The following EFR3A variants were observed in gnomAD, a reference collection of about 807,000 sequenced individuals.
EFR3A encodes the protein EFR3 homolog A, also known as protein EFR3 homolog A.
A neutral mutation model predicts 104.4 loss-of-function variants in EFR3A; 76 were observed. That is an observed-to-expected ratio of 0.73 (90% confidence interval 0.60 to 0.88). The LOEUF (loss-of-function observed/expected upper bound fraction) is 0.88, where lower values mean the gene tolerates loss of function less well. Among genes scored for constraint, EFR3A ranks in the 40% least tolerant of loss-of-function variants. The pLI, the probability that EFR3A is intolerant of heterozygous loss-of-function variation, is 0.00. For missense variants in EFR3A, 985 were observed against 1,012.5 expected, an observed-to-expected ratio of 0.97 and a Z score of 0.37; for synonymous variants, 330 against 330.0, an observed-to-expected ratio of 1.00 and a Z score of 0.00.
intron 4 of EFR3A, among the ~76,000 whole-genome samples, 160 bp from the exon 5 acceptor site, chr8:131,949,809 T>C (rs1818609989): frequency 6.6e-6 from 1 of 152,146 alleles, no homozygotes; most frequent in Admixed American, 6.6e-5. Context: ...CAAGACCCTA[T>C]CTCAAGAAAG....
At chr8:131,934,117 A>C (rs1222666071) in intron 1 of EFR3A, among the ~76,000 whole-genome samples, 1 of 152,160 alleles carries the variant, frequency 6.6e-6, no homozygotes. Flanking sequence ...CACTTTTCTG[A>C]AGATAAGATT....
At chr8:131,997,156 A>G (rs1821537691) in intron 19 of EFR3A, among the ~76,000 whole-genome samples, 1 of 152,098 alleles carries the variant, frequency 6.6e-6, no homozygotes, top group Admixed American at 6.5e-5. Flanking sequence ...CTTATTCTAC[A>G]CAAATCACCA....
intron 22 of EFR3A, among the ~76,000 whole-genome samples, chr8:132,009,082 A>G (rs1822191451): frequency 6.6e-6 from 1 of 151,976 alleles, no homozygotes; most frequent in Non-Finnish European, 1.5e-5. Context: ...ATACCAGGAA[A>G]ATATAAGAAA....
chr8:131,976,085 G>A lies in EFR3A; in HGVS notation c.1218G>A (p.Met406Ile). ...YQRSEIMMFI[M>I]GKVPVFGTST... Reference sequence around the variant, plus strand: ...GGTCAGAAATCATGATGTTCATTATGGGGAAAGTACCTGTCTTTGGAACAT... The same window carrying A: ...GGTCAGAAATCATGATGTTCATTATAGGGAAAGTACCTGTCTTTGGAACAT... Residue 406 changes from methionine to isoleucine, a missense_variant, in exon 11 of 23, where the codon ATG (methionine) becomes ATA (isoleucine). Transcript: ENST00000254624. The A allele has an allele frequency of 6.2e-7, 1 of 1,607,328 alleles. No individual in the cohort carries two copies. The highest frequency in any genetic ancestry group is 2.2e-5 in the East Asian group (1 of 44,696).
chr8:131,967,883 A>C (rs530364549), intron 8 of EFR3A, among the ~76,000 whole-genome samples: 12 of 138,046 alleles, frequency 8.7e-5, no homozygotes, highest in Non-Finnish European at 1.5e-4. Flanking sequence ...TGAATGTCAT[A>C]ATTTATGTTT....
chr8:132,010,467 T>G lies in EFR3A; in HGVS notation c.2361-323T>G, dbSNP rs993543485. Among the ~76,000 whole-genome samples, 8 of 138,934 alleles carry G rather than the reference T, an allele frequency of 5.8e-5. No individual in the cohort carries two copies. In the South Asian group the frequency reaches 6.6e-4, roughly 11 times the overall value. The allele number at this position is 138,934 out of a possible 152,430, so 91.1% of individuals were successfully genotyped here. On this transcript the variant is annotated intron_variant, in intron 22 of 22. Transcript: ENST00000254624. ...ATATATATAATGAAATACCATTCTGTCATCAAAAAAGATAATATCTGTATA... is the reference window on the plus strand; with the variant it reads ...ATATATATAATGAAATACCATTCTGGCATCAAAAAAGATAATATCTGTATA...
At chr8:131,919,470 G>T (rs1329459264) in intron 1 of EFR3A, among the ~76,000 whole-genome samples, 1 of 151,676 alleles carries the variant, frequency 6.6e-6, no homozygotes, top group Non-Finnish European at 1.5e-5. Flanking sequence ...GGTGGCGGGC[G>T]CCCACTACTC....
intron 16 of EFR3A, 129 bp from the exon 17 acceptor site, chr8:131,986,065 A>G: frequency 2.1e-6 from 1 of 465,704 alleles, no homozygotes; most frequent in Non-Finnish European, 3.8e-6. Flanking sequence ...CTTAAATTCA[A>G]AAACAAAGTG....
intron 8 of EFR3A, among the ~76,000 whole-genome samples, chr8:131,965,479 A>G (rs913235349): frequency 6.6e-6 from 1 of 152,380 alleles, no homozygotes; most frequent in African/African-American, 2.4e-5. Context: ...ATCACTGGCC[A>G]TCAGATAAAT....
intron 19 of EFR3A, among the ~76,000 whole-genome samples, chr8:131,999,938 A>G (rs1454522941): frequency 2.6e-5 from 4 of 152,164 alleles, no homozygotes; most frequent in Non-Finnish European, 5.9e-5. Context: ...AGATCCTTGT[A>G]ATAATCCACA....
chr8:132,009,295 T>C lies in EFR3A; in HGVS notation c.2361-1495T>C, dbSNP rs1259648311. Among the ~76,000 whole-genome samples, 5 of 152,112 alleles carry C rather than the reference T, an allele frequency of 3.3e-5. No homozygotes were observed. In the East Asian group the frequency reaches 9.6e-4, roughly 29 times the overall value. ...TATTTATATAAATGGAAACATCTTATTCTTGAATAGGAAGTTAACATAGAT... is the reference window on the plus strand; with the variant it reads ...TATTTATATAAATGGAAACATCTTACTCTTGAATAGGAAGTTAACATAGAT... On this transcript the variant is annotated intron_variant, in intron 22 of 22. Transcript: ENST00000254624.
At position 131,944,745 on chromosome 8, in the gene EFR3A, G is replaced by A; in HGVS notation, c.88G>A (p.Asp30Asn). Residue 30 changes from aspartate to asparagine, a missense_variant and splice_region_variant, in exon 3 of 23, where the codon GAT becomes AAT. Coordinates refer to ENST00000254624, the MANE Select transcript of EFR3A (RefSeq NM_015137.6). ...CTATTTATCTTGTTATTGTTTTTAG[G>A]ATGGCCTTGTGAAAACTGATATGGA... ...VDNIFPEDPK[D>N]GLVKTDMEKL... 4 of 1,582,994 alleles carry A rather than the reference G, an allele frequency of 2.5e-6. No individual in the cohort carries two copies. Among genetic ancestry groups the A allele is most frequent in the Non-Finnish European group, 3.4e-6 (4 of 1,166,158 alleles).
At chr8:131,988,316 A>G (rs1821002799) in intron 18 of EFR3A, among the ~76,000 whole-genome samples, 1 of 152,136 alleles carries the variant, frequency 6.6e-6, no homozygotes, top group Admixed American at 6.6e-5. Flanking sequence ...TAATTTGGTG[A>G]CTATATAAAT....
chr8:131,950,725 CAGTT>C (rs1194697996), intron 5 of EFR3A, among the ~76,000 whole-genome samples: 7 of 152,128 alleles, frequency 4.6e-5, no homozygotes, highest in South Asian at 2.1e-4. Context: ...AGTAGGCTCT[CAGTT>C]AGTACTTTTT....
chr8:131,925,379 C>T (rs1363951243), intron 1 of EFR3A, among the ~76,000 whole-genome samples: 1 of 152,108 alleles, frequency 6.6e-6, no homozygotes, highest in African/African-American at 2.4e-5. Flanking sequence ...TTTGCAGAAT[C>T]TGTGAAGTGG....
At chr8:132,008,704 A>G (rs1822164086) in intron 22 of EFR3A, among the ~76,000 whole-genome samples, 1 of 151,602 alleles carries the variant, frequency 6.6e-6, no homozygotes, top group African/African-American at 2.4e-5. Context: ...GAGTGGGGAG[A>G]AATTGACTGG....
At chr8:131,943,718 T>C (rs1413262084) in intron 2 of EFR3A, among the ~76,000 whole-genome samples, 1 of 151,942 alleles carries the variant, frequency 6.6e-6, no homozygotes, top group Admixed American at 6.6e-5. Context: ...CCTTCACCCA[T>C]CTATGACAAC....
intron 1 of EFR3A, among the ~76,000 whole-genome samples, chr8:131,925,953 ATGT>A (rs1222463437): frequency 6.6e-6 from 1 of 152,110 alleles, no homozygotes; most frequent in Admixed American, 6.6e-5. Context: ...TTTTATTTTA[ATGT>A]TATTATTTTT....
chr8:131,928,804 CG>C (rs145354276), intron 1 of EFR3A, among the ~76,000 whole-genome samples: 13,559 of 152,036 alleles, frequency 0.089, 860 homozygotes, highest in Middle Eastern at 0.22. Flanking sequence ...ATTACTGGAG[CG>C]TTTTTTTAAA....
Sources: gnomAD v4.1 joint callset for allele counts (sites outside exome capture counted in the v4.1 genomes callset) on GRCh38, gnomAD v4.1.1 for gene constraint, MANE v1.5 for transcripts, NCBI Gene and HGNC (gene_info 2026-07-23, HGNC 2026-07-21) for gene names.